The following DPP10 variants were observed in gnomAD, a reference collection of about 807,000 sequenced individuals.
The protein encoded by DPP10 is inactive dipeptidyl peptidase 10.
A neutral mutation model predicts 120.9 loss-of-function variants in DPP10; 33 were observed. That is an observed-to-expected ratio of 0.27 (90% CI 0.21 to 0.37). The LOEUF (loss-of-function observed/expected upper bound fraction) is 0.37. DPP10 is among the 10% of genes least tolerant of loss of function. The probability of loss-of-function intolerance (pLI) is 1.00; values close to 1 mark genes in which losing one functional copy is unlikely to be tolerated. For synonymous variants in DPP10, 337 were observed against 326.1 expected (o/e 1.03, Z -0.36); for missense variants, 816 against 942.8 (o/e 0.87, Z 1.76).
chr2:114,782,586 A>G (rs1410545214), intron 1 of DPP10, among the ~76,000 whole-genome samples: 1 of 152,042 alleles, frequency 6.6e-6, no homozygotes, highest in African/African-American at 2.4e-5. Context: ...TTAAAGGGTC[A>G]ATTGAGTGTT....
chr2:115,568,978 T>C (rs2081184987), intron 5 of DPP10, among the ~76,000 whole-genome samples: 1 of 152,250 alleles, frequency 6.6e-6, no homozygotes, highest in South Asian at 2.1e-4. Flanking sequence ...GGATATGTGA[T>C]AGTCTTCCTT....
intron 1 of DPP10, among the ~76,000 whole-genome samples, chr2:114,762,286 C>G (rs1351854513): frequency 6.6e-6 from 1 of 152,188 alleles, no homozygotes; most frequent in Non-Finnish European, 1.5e-5. Flanking sequence ...ATCTTTTCTT[C>G]TGCTTACTCT....
At chr2:114,746,756 C>A (rs188774575) in intron 1 of DPP10, among the ~76,000 whole-genome samples, 29 of 152,278 alleles carry the variant, frequency 1.9e-4, no homozygotes, top group Non-Finnish European at 5.9e-5. Context: ...GGAATCAAAG[C>A]AAGCTGCTCT....
At chr2:115,772,580 G>A (rs1020227706) in intron 13 of DPP10, among the ~76,000 whole-genome samples, 1 of 151,966 alleles carries the variant, frequency 6.6e-6, no homozygotes, top group East Asian at 1.9e-4. Context: ...TTTTGTACAC[G>A]TATTACTATC....
At chr2:114,677,717 T>C (rs1270374943) in intron 1 of DPP10, among the ~76,000 whole-genome samples, 1 of 152,142 alleles carries the variant, frequency 6.6e-6, no homozygotes, top group Non-Finnish European at 1.5e-5. Flanking sequence ...TTTGTTTCTC[T>C]ACACGCTGCA....
intron 1 of DPP10, among the ~76,000 whole-genome samples, chr2:114,683,984 G>A (rs1190633442): frequency 6.6e-6 from 1 of 151,914 alleles, no homozygotes; most frequent in Non-Finnish European, 1.5e-5. Flanking sequence ...TGTATTATGG[G>A]GTAAAGGGAC....
chr2:114,792,104 A>G (rs1046062914), intron 1 of DPP10, among the ~76,000 whole-genome samples: 4 of 152,160 alleles, frequency 2.6e-5, no homozygotes, highest in African/African-American at 9.7e-5. Flanking sequence ...GCGAATTGAG[A>G]TTTATCTTTG....
intron 17 of DPP10, among the ~76,000 whole-genome samples, chr2:115,784,158 A>G (rs1174354058): frequency 6.6e-6 from 1 of 152,326 alleles, no homozygotes; most frequent in East Asian, 1.9e-4. Flanking sequence ...AAAAACAAAA[A>G]AAGGCTGTGA....
chr2:115,348,711 A>C (rs1295170479), intron 3 of DPP10, among the ~76,000 whole-genome samples: 1 of 151,882 alleles, frequency 6.6e-6, no homozygotes, highest in Non-Finnish European at 1.5e-5. Flanking sequence ...TCATTTGATA[A>C]AAAAAAGTTG....
chr2:115,198,869 T>C (rs1367479939), intron 1 of DPP10, among the ~76,000 whole-genome samples: 1 of 152,188 alleles, frequency 6.6e-6, no homozygotes, highest in Non-Finnish European at 1.5e-5. Context: ...TTATTGCCTC[T>C]CAAGAAGTAG....
chr2:115,381,252 C>T (rs10190922), intron 3 of DPP10, among the ~76,000 whole-genome samples: 26,328 of 152,090 alleles, frequency 0.17, 2,509 homozygotes, highest in East Asian at 0.35. Context: ...TTGCTCGTAT[C>T]TTTTTATTCT....
chr2:115,656,780 A>G lies in DPP10; in HGVS notation c.442-32907A>G, dbSNP rs149416054. On this transcript the variant is annotated intron_variant, in intron 5 of 25. Transcript: ENST00000410059. Reference sequence around the variant, plus strand: ...GCATACATAAGATAGACATAAACACAACTACAATATTGGAAGGTTTGCTTA... The same window carrying G: ...GCATACATAAGATAGACATAAACACGACTACAATATTGGAAGGTTTGCTTA... Among the ~76,000 whole-genome samples, 454 of 151,852 alleles carry G rather than the reference A, an allele frequency of 3.0e-3. 1 individual carries two copies. The highest frequency in any genetic ancestry group is 5.5e-3 in the Non-Finnish European group (370 of 67,664).
At chr2:115,338,833 A>T (rs1157872626) in intron 2 of DPP10, among the ~76,000 whole-genome samples, 1 of 152,214 alleles carries the variant, frequency 6.6e-6, no homozygotes, top group Non-Finnish European at 1.5e-5. Flanking sequence ...TATGTGAAAT[A>T]AAACTATAAC....
chr2:114,953,634 G>A (rs1016551022), intron 1 of DPP10, among the ~76,000 whole-genome samples: 1 of 152,096 alleles, frequency 6.6e-6, no homozygotes, highest in Non-Finnish European at 1.5e-5. Context: ...TCCTGTTACA[G>A]CATGTGCATG....
At chr2:114,463,832 G>A (rs1017991171) in intron 1 of DPP10, among the ~76,000 whole-genome samples, 4 of 152,078 alleles carry the variant, frequency 2.6e-5, no homozygotes, top group Non-Finnish European at 4.4e-5. Context: ...TCAAATCTCT[G>A]ATCAGTTTTC....
intron 1 of DPP10, among the ~76,000 whole-genome samples, chr2:115,003,470 A>C (rs1269920338): frequency 2.0e-4 from 31 of 152,066 alleles, no homozygotes. Context: ...CATGACATGC[A>C]GTTTACCTAT....
At chr2:115,665,184 G>A (rs2149422835) in intron 5 of DPP10, among the ~76,000 whole-genome samples, 1 of 152,274 alleles carries the variant, frequency 6.6e-6, no homozygotes, top group African/African-American at 2.4e-5. Context: ...TAGGTAATTA[G>A]TAGTGTCTCA....
chr2:115,132,567 C>A (rs2050415663), intron 1 of DPP10, among the ~76,000 whole-genome samples: 2 of 152,114 alleles, frequency 1.3e-5, no homozygotes, highest in South Asian at 4.1e-4. Flanking sequence ...TTTATTGCCA[C>A]AAGGATTCTT....
intron 5 of DPP10, among the ~76,000 whole-genome samples, chr2:115,634,996 C>T (rs928528670): frequency 6.6e-6 from 1 of 152,150 alleles, no homozygotes; most frequent in Admixed American, 6.5e-5. Flanking sequence ...TCTGGCCACA[C>T]TCTGCCACAG....
Sources: allele counts gnomAD v4.1 joint callset (sites outside exome capture counted in the v4.1 genomes callset), GRCh38; gene constraint gnomAD v4.1.1; transcripts MANE v1.5; gene names NCBI Gene and HGNC (gene_info 2026-07-23, HGNC 2026-07-21).